Variants in RAB3IL1 observed in about 807,000 individuals in gnomAD.
RAB3IL1 encodes guanine nucleotide exchange factor for Rab-3A.
RAB3IL1 carries 37 observed loss-of-function variants against 49.2 expected under a neutral mutation model. That is an observed-to-expected ratio of 0.75 (90% CI 0.58 to 0.99). The LOEUF is 0.99. RAB3IL1 is among the 50% of genes least tolerant of loss of function. The probability of loss-of-function intolerance (pLI) is 0.00; values close to 1 mark genes in which losing one functional copy is unlikely to be tolerated. For missense variants in RAB3IL1, 484 were observed against 513.0 expected, an observed-to-expected ratio of 0.94 and a Z score of 0.55; for synonymous variants, 193 against 213.9, an observed-to-expected ratio of 0.90 and a Z score of 0.85.
chr11:61,908,009 G>T (rs755730101), intron 2 of RAB3IL1, 45 bp downstream of exon 2: 1 of 1,565,696 alleles, frequency 6.4e-7, no homozygotes, highest in Non-Finnish European at 8.7e-7. Flanking sequence ...CTCCCAACCT[G>T]ACTTCTCCCC....
rs533713482 is a variant in RAB3IL1, at chr11:61,907,559, G to A, written c.360+6C>T. 8 of 1,614,084 alleles carry A rather than the reference G, an allele frequency of 5.0e-6. No individual in the cohort carries two copies. The highest frequency in any genetic ancestry group is 6.8e-6 in the Non-Finnish European group (8 of 1,179,992). On this transcript the variant is annotated splice_donor_region_variant and intron_variant, in intron 3 of 9. Transcript: ENST00000394836. ...CCCAAGTTGTTCCCGCGCCCAGCCGGTGTACCTCAAACAGGCTGGCCGTCA... is the reference window on the plus strand; with the variant it reads ...CCCAAGTTGTTCCCGCGCCCAGCCGATGTACCTCAAACAGGCTGGCCGTCA...
chr11:61,901,140 A>C (rs773513156), intron 8 of RAB3IL1, among the ~76,000 whole-genome samples: 3 of 152,074 alleles, frequency 2.0e-5, no homozygotes, highest in Non-Finnish European at 2.9e-5. Flanking sequence ...CAGCAAAGGG[A>C]CCATTTGTCC....
the RAB3IL1 span, among the ~76,000 whole-genome samples, chr11:61,943,444 T>A: frequency 6.6e-6 from 1 of 152,194 alleles, no homozygotes; most frequent in African/African-American, 2.4e-5. Context: ...TCAAAATTTA[T>A]CTAAATTAAA....
the RAB3IL1 span, among the ~76,000 whole-genome samples, chr11:61,934,319 T>TATAC: frequency 0.02 from 2,507 of 126,526 alleles, 64 homozygotes; most frequent in African/African-American, 0.05. Context: ...TGAGTAAATA[T>TATAC]ACACACACAC....
At chr11:61,899,459 C>T in intron 8 of RAB3IL1, 79 bp from the exon 9 acceptor site, 1 of 1,372,990 alleles carries the variant, frequency 7.3e-7, no homozygotes, top group Non-Finnish European at 1.0e-6. Flanking sequence ...GAGTCCAGAG[C>T]AGGAGGCCCC....
At chr11:61,945,370 G>A in the RAB3IL1 span, among the ~76,000 whole-genome samples, 1 of 152,184 alleles carries the variant, frequency 6.6e-6, no homozygotes, top group Non-Finnish European at 1.5e-5. Flanking sequence ...CCACCGCAGC[G>A]CTAAACACGG....
the RAB3IL1 span, among the ~76,000 whole-genome samples, chr11:61,946,305 C>A: frequency 6.6e-6 from 1 of 152,198 alleles, no homozygotes; most frequent in Non-Finnish European, 1.5e-5. Flanking sequence ...CCAGCTGAGG[C>A]AGGGCCTAGA....
Position 61,898,312 on chromosome 11 carries a change from A to G in RAB3IL1, c.1115T>C (p.Leu372Pro), listed in dbSNP as rs2136011826. Residue 372 changes from leucine to proline, a missense_variant, in exon 10 of 10, where the codon CTG (leucine) becomes CCG (proline). Coordinates refer to ENST00000394836, the MANE Select transcript of RAB3IL1 (RefSeq NM_013401.4). The surrounding 1 kb of genome is among the most constrained non-coding windows in gnomAD (Gnocchi z 5.1). ...EIMRLRKEMS[L>P]AKLGFFPQEA ...CTGGGGGAAGAAGCCGAGCTTGGCC[A>G]GTGACATCTCCTTCCGCAACCTCAT... The G allele has an allele frequency of 1.2e-6, 2 of 1,613,600 alleles. No individual in the cohort carries two copies. Among genetic ancestry groups the G allele is most frequent in the Non-Finnish European group, 1.7e-6 (2 of 1,179,996 alleles).
the RAB3IL1 span, among the ~76,000 whole-genome samples, chr11:61,939,550 A>G: frequency 1.3e-5 from 2 of 152,102 alleles, no homozygotes; most frequent in Admixed American, 6.5e-5. Context: ...AGAAAAGAGA[A>G]AAACAACAGA....
the RAB3IL1 span, among the ~76,000 whole-genome samples, chr11:61,943,346 G>C: frequency 6.6e-6 from 1 of 152,028 alleles, no homozygotes; most frequent in Non-Finnish European, 1.5e-5. Flanking sequence ...CTCAAAATAG[G>C]TCAAATTCCT....
upstream of RAB3IL1, among the ~76,000 whole-genome samples, chr11:61,921,808 G>T (rs1939914743): frequency 6.6e-6 from 1 of 152,170 alleles, no homozygotes; most frequent in African/African-American, 2.4e-5. Context: ...GTGGCCTTAG[G>T]CAAGTCACTT....
chr11:61,904,337 C>T (rs1939064798), intron 7 of RAB3IL1, among the ~76,000 whole-genome samples: 1 of 152,126 alleles, frequency 6.6e-6, no homozygotes, highest in Non-Finnish European at 1.5e-5. Context: ...GCAGACCAGT[C>T]AGGAAGAGGC....
chr11:61,917,176 C>T (rs1939732146), intron 1 of RAB3IL1, among the ~76,000 whole-genome samples, 181 bp downstream of exon 1: 1 of 152,114 alleles, frequency 6.6e-6, no homozygotes, highest in Non-Finnish European at 1.5e-5. Context: ...CCCCGAGAGA[C>T]ACCCCCGACC....
At position 61,898,477 on chromosome 11, in the gene RAB3IL1, C is replaced by T. The variant is rs1229566019; in HGVS notation, c.1067-117G>A. On this transcript the variant is annotated intron_variant, in intron 9 of 9. Coordinates refer to ENST00000394836, the MANE Select transcript of RAB3IL1 (RefSeq NM_013401.4). This position sits in a 1 kb window ranked among gnomAD's most constrained non-coding sequence, Gnocchi z 5.1. ...AGCTGGCACAGCACCCTAGGGTCCCCGGCCCCCAAAACAGATGACCTCAGT... is the reference window on the plus strand; with the variant it reads ...AGCTGGCACAGCACCCTAGGGTCCCTGGCCCCCAAAACAGATGACCTCAGT... The T allele has an allele frequency of 9.8e-6, 8 of 815,304 alleles. No individual in the cohort carries two copies. The highest frequency in any genetic ancestry group is 1.7e-5 in the African/African-American group (1 of 59,364). 50.5% of individuals were successfully genotyped at this position (815,304 alleles called of 1,614,324 possible).
chr11:61,920,645 G>C (rs1328805024), upstream of RAB3IL1, among the ~76,000 whole-genome samples: 4 of 152,354 alleles, frequency 2.6e-5, no homozygotes, highest in African/African-American at 9.6e-5. Flanking sequence ...TGTTATTGGT[G>C]GGGCGCGGAG....
intron 2 of RAB3IL1, 92 bp from the exon 3 acceptor site, chr11:61,907,752 C>T (rs1565362881): frequency 1.0e-5 from 12 of 1,184,810 alleles, no homozygotes; most frequent in South Asian, 9.3e-5. Context: ...TCCATCCCCT[C>T]GTCATTTTAT....
upstream of RAB3IL1, among the ~76,000 whole-genome samples, chr11:61,918,335 A>G (rs891462581): frequency 6.6e-6 from 1 of 152,202 alleles, no homozygotes; most frequent in African/African-American, 2.4e-5. Context: ...CTCTCCCGCC[A>G]GGTACCATGG....
the RAB3IL1 span, among the ~76,000 whole-genome samples, chr11:61,934,356 G>A: frequency 1.7e-4 from 11 of 66,420 alleles, no homozygotes; most frequent in African/African-American, 6.5e-4. Flanking sequence ...ACACACATAT[G>A]TATATATATA....
Position 61,897,990 on chromosome 11 carries a change from C to A in RAB3IL1, c.*288G>T. 1 of 385,930 alleles carries A rather than the reference C, an allele frequency of 2.6e-6. No individual in the cohort carries two copies. The allele number at this position is 385,930 out of a possible 1,614,324, so 23.9% of individuals were successfully genotyped here. On this transcript the variant is annotated 3_prime_UTR_variant, in exon 10 of 10. Coordinates refer to ENST00000394836, the MANE Select transcript of RAB3IL1 (RefSeq NM_013401.4). ...GTGTCCCCTCCCAAGGGCTGAGGCC[C>A]CCCGAGTATGGATCCGAGCTCCCTG...
Sources: gnomAD v4.1 joint callset for allele counts (sites outside exome capture counted in the v4.1 genomes callset) on GRCh38, gnomAD v4.1.1 for gene constraint, Gnocchi (gnomAD v3.1) non-coding constraint, MANE v1.5 for transcripts, NCBI Gene and HGNC (gene_info 2026-07-23, HGNC 2026-07-21) for gene names.